CTU2: variants seen among roughly 807,000 people sequenced by gnomAD.
The protein encoded by CTU2 is cytosolic thiouridylase subunit 2.
A neutral mutation model predicts 64.1 loss-of-function variants in CTU2; 80 were observed. The ratio of observed to expected loss-of-function variants is 1.25; its 90% CI spans 1.04 to 1.50. CTU2 has a LOEUF of 1.50. Ranked by LOEUF, CTU2 falls within the 40% of genes most tolerant of loss-of-function variation. The pLI, the probability that CTU2 is intolerant of heterozygous loss-of-function variation, is 0.00. For synonymous variants in CTU2, 482 were observed against 285.3 expected, an observed-to-expected ratio of 1.69 and a Z score of -6.95; for missense variants, 1,110 against 690.2, an observed-to-expected ratio of 1.61 and a Z score of -6.81.
chr16:88,710,462 C>T, intron 4 of CTU2, 180 bp downstream of exon 4: 1 of 617,680 alleles, frequency 1.6e-6, no homozygotes, highest in Non-Finnish European at 2.8e-6. Context: ...GAGCTGAGTC[C>T]ACAGTGTGTG....
In CTU2 at chr16:88,713,279, C is replaced by A. The variant is rs560102570; in HGVS notation, c.738-33C>A. ...GAGCCCCCCTTCCCCGGGTCCTGCA[C>A]CCCCCAGGCCCCTGAGACGCTCTGT... On this transcript the variant is annotated intron_variant, in intron 7 of 14. Coordinates refer to ENST00000453996, the MANE Select transcript of CTU2 (RefSeq NM_001012759.3). The A allele has an allele frequency of 2.6e-5, 41 of 1,548,400 alleles. 1 individual carries two copies. In the African/African-American group the frequency reaches 4.0e-4, roughly 15 times the overall value.
chr16:88,712,365 TGTG>T lies in CTU2; in HGVS notation c.440_442del (p.Val147del). On this transcript the variant is annotated inframe_deletion, in exon 6 of 15. Coordinates refer to ENST00000453996, the MANE Select transcript of CTU2 (RefSeq NM_001012759.3). ...TGCAAGCAACTGGGTTCCCATGGCA[TGTG>T]GTGGCCTTAGAGGAGGTGGGAGGGC... 1.9e-6 allele frequency: 3 copies of T among 1,608,886 alleles called. No individual in the cohort carries two copies. Among genetic ancestry groups the T allele is most frequent in the Non-Finnish European group, 2.5e-6 (3 of 1,177,504 alleles).
rs1347649954 is a variant in CTU2, at chr16:88,715,194, G to A, written c.1491G>A (p.Leu497=). Residue 497 remains leucine, a synonymous_variant, in exon 15 of 15, where the codon TTG becomes TTA. Coordinates refer to ENST00000453996, the MANE Select transcript of CTU2 (RefSeq NM_001012759.3). ...AQLRTQRAWG[L]QEIRDCLIED... ...GCTTTCTCTCTAGGGCCTGGGGCTT[G>A]CAGGAGATCCGGGACTGTCTGATTG... The A allele has an allele frequency of 6.2e-7, 1 of 1,612,408 alleles. No individual in the cohort carries two copies. Among genetic ancestry groups the A allele is most frequent in the African/African-American group, 1.3e-5 (1 of 75,046 alleles).
intron 9 of CTU2, 72 bp from the exon 10 acceptor site, chr16:88,714,064 T>A (rs7205626): frequency 6.9e-7 from 1 of 1,446,638 alleles, no homozygotes. Flanking sequence ...ACGGCACCTG[T>A]CCTGGGGACT....
chr16:88,714,340 C>CTTAGG, intron 10 of CTU2, 43 bp from the exon 11 acceptor site: 1 of 1,605,818 alleles, frequency 6.2e-7, no homozygotes, highest in Non-Finnish European at 8.5e-7. Flanking sequence ...GGTGGAGCCC[C>CTTAGG]AGCCCGTGTG....
At chr16:88,715,149 CG>C in intron 14 of CTU2, 32 bp from the exon 15 acceptor site, 1 of 1,609,332 alleles carries the variant, frequency 6.2e-7, no homozygotes, top group Non-Finnish European at 8.5e-7. Context: ...TAAGGGGCCT[CG>C]GGGCTGGTGC....
At chr16:88,708,171 T>G (rs1320987083) in intron 2 of CTU2, among the ~76,000 whole-genome samples, 3 of 152,206 alleles carry the variant, frequency 2.0e-5, no homozygotes, top group Non-Finnish European at 4.4e-5. Flanking sequence ...AACACCAGGC[T>G]GCCGGCAGAA....
intron 2 of CTU2, chr16:88,709,657 G>A: frequency 2.2e-6 from 1 of 460,282 alleles, no homozygotes; most frequent in South Asian, 2.6e-5. Flanking sequence ...GTGGGGAGGG[G>A]TGCCGGGGCT....
intron 11 of CTU2, 24 bp downstream of exon 11, chr16:88,714,510 T>C: frequency 1.2e-6 from 2 of 1,612,402 alleles, no homozygotes; most frequent in Non-Finnish European, 1.7e-6. Flanking sequence ...GCTCTTGGGG[T>C]GATGCGGGGA....
In CTU2 at chr16:88,712,755, C is replaced by T. The variant is rs761329726; in HGVS notation, c.587C>T (p.Pro196Leu). The T allele has an allele frequency of 4.7e-5, 76 of 1,608,346 alleles. No homozygotes were observed. The highest frequency in any genetic ancestry group is 3.0e-4 in the Admixed American group (18 of 59,670). The change falls in exon 7 of 15, where the codon CCG becomes CTG. Residue 196 changes from proline (P) to leucine (L), a missense_variant. By Grantham distance (98) the Pro-to-Leu change is moderately conservative. Coordinates refer to ENST00000453996, the MANE Select transcript of CTU2 (RefSeq NM_001012759.3). ...HVLGAGGGPG[P>L]TQGEEQPPQP... is the part of the protein sequence containing the mutation. ...CTGGGGGCCGGGGGTGGTCCTGGCC[C>T]GACTCAAGGGGAGGAACAGCCACCC...
At chr16:88,712,000 A>G (rs1911358360) in intron 5 of CTU2, 1 of 608,100 alleles carries the variant, frequency 1.6e-6, no homozygotes, top group Non-Finnish European at 2.9e-6. Flanking sequence ...AAGAAGGGCA[A>G]GTTAAGTGCT....
chr16:88,715,136 G>A (rs1184657500), intron 14 of CTU2, 30 bp downstream of exon 14: 1 of 1,606,676 alleles, frequency 6.2e-7, no homozygotes, highest in East Asian at 2.2e-5. Context: ...CGTGGCGCGT[G>A]GGTAAGGGGC....
chr16:88,707,252 C>A (rs774786014), intron 2 of CTU2, 42 bp downstream of exon 2: 1 of 1,569,620 alleles, frequency 6.4e-7, no homozygotes, highest in Non-Finnish European at 8.8e-7. Flanking sequence ...AACATGGCCT[C>A]GCTAGCAGAC....
intron 4 of CTU2, chr16:88,710,542 T>C (rs1479876585): frequency 2.0e-6 from 1 of 509,884 alleles, no homozygotes; most frequent in Non-Finnish European, 3.5e-6. Flanking sequence ...AGCGCGTGTG[T>C]GCGGCCCACT....
chr16:88,714,501 C>G lies in CTU2; in HGVS notation c.1201+15C>G, dbSNP rs530857845. On this transcript the variant is annotated intron_variant, in intron 11 of 14. Transcript: ENST00000453996. ...CGACGCCGCTGGTCTGTGTTTCATG[C>G]TCTTGGGGTGATGCGGGGAGGGAGC... 47 of 1,612,634 alleles carry G rather than the reference C, an allele frequency of 2.9e-5. No individual in the cohort carries two copies. The highest frequency in any genetic ancestry group is 1.8e-4 in the Admixed American group (11 of 60,016).
In CTU2 at chr16:88,712,317, C is replaced by A. The variant is rs745307187; in HGVS notation, c.387C>A (p.Thr129=). 6.2e-7 allele frequency: 1 copy of A among 1,610,006 alleles called. No individual in the cohort carries two copies. Among genetic ancestry groups the A allele is most frequent in the Admixed American group, 1.7e-5 (1 of 59,572 alleles). The change falls in exon 6 of 15, where the codon ACC becomes ACA. Residue 129 remains threonine, a synonymous_variant. Transcript: ENST00000453996. ...AGAGCCTAGAGGAGAGATCAAAGAC[C>A]CTGGCCGAAGTGAAGCCCATTCTGC... is the stretch of plus-strand genomic sequence containing the variant. ...CGQSLEERSK[T]LAEVKPILQA...
At chr16:88,711,594 CT>C (rs1911322751) in intron 4 of CTU2, 40 bp from the exon 5 acceptor site, 3 of 1,555,082 alleles carry the variant, frequency 1.9e-6, no homozygotes, top group Non-Finnish European at 2.6e-6. Context: ...TGTCCTGTGG[CT>C]TATGGCTGGG....
Position 88,707,150 on chromosome 16 carries a change from G to A in CTU2, c.83G>A (p.Cys28Tyr). ...CATCTCCAAAGCCGTGAGCAGAAGT[G>A]TGTGAAGTGCAAGGAAGCGCAGCCC... ...PAPRPSREQK[C>Y]VKCKEAQPVV... The change falls in exon 2 of 15, where the codon TGT (cysteine) becomes TAT (tyrosine). Residue 28 changes from cysteine (C) to tyrosine (Y), a missense_variant. Coordinates refer to ENST00000453996, the MANE Select transcript of CTU2 (RefSeq NM_001012759.3). 1 of 1,613,984 alleles carries A rather than the reference G, an allele frequency of 6.2e-7. No individual in the cohort carries two copies. Among genetic ancestry groups the A allele is most frequent in the Non-Finnish European group, 8.5e-7 (1 of 1,179,980 alleles).
At chr16:88,709,733 G>C (rs4598894) in intron 2 of CTU2, 13 of 584,676 alleles carry the variant, frequency 2.2e-5, no homozygotes, top group African/African-American at 3.7e-5. Context: ...GGGAGGGGCC[G>C]GTGAGCCTCG....
Sources: allele counts gnomAD v4.1 joint callset (sites outside exome capture counted in the v4.1 genomes callset), GRCh38; gene constraint gnomAD v4.1.1; transcripts MANE v1.5; gene names NCBI Gene and HGNC (gene_info 2026-07-23, HGNC 2026-07-21).